FER: variants seen among roughly 807,000 people sequenced by gnomAD.
FER encodes the protein FER tyrosine kinase, also known as tyrosine-protein kinase Fer.
In FER, 63 loss-of-function variants were observed where a neutral mutation model predicts 111.0. The ratio of observed to expected loss-of-function variants is 0.57; its 90% CI spans 0.46 to 0.70. The LOEUF (loss-of-function observed/expected upper bound fraction) is 0.70, where lower values mean the gene tolerates loss of function less well. Ranked by LOEUF, FER falls within the 30% of genes least tolerant of loss-of-function variation. The pLI is 0.00. For missense variants in FER, 914 were observed against 954.0 expected (o/e 0.96, Z 0.55); for synonymous variants, 327 against 313.9 (o/e 1.04, Z -0.44).
chr5:109,155,012 A>G (rs1286200138), intron 17 of FER, among the ~76,000 whole-genome samples: 1 of 151,882 alleles, frequency 6.6e-6, no homozygotes, highest in Non-Finnish European at 1.5e-5. Context: ...TTATAACTCT[A>G]TCATCTCGAT....
chr5:109,048,965 G>A (rs955987469), intron 16 of FER, among the ~76,000 whole-genome samples: 3 of 151,672 alleles, frequency 2.0e-5, no homozygotes, highest in Non-Finnish European at 4.4e-5. Flanking sequence ...TTATTCAACC[G>A]CAACTTTATT....
rs1759499529 is a variant in FER at position 109,193,169 on chromosome 5, C to G, written c.*5594C>G. 6.6e-6 allele frequency: 1 copy of G among 152,068 alleles called. No individual in the cohort carries two copies. Among genetic ancestry groups the G allele is most frequent in the Non-Finnish European group, 1.5e-5 (1 of 68,006 alleles). 9.4% of individuals were successfully genotyped at this position (152,068 alleles called of 1,614,324 possible). On this transcript the variant is annotated 3_prime_UTR_variant, in exon 20 of 20. Transcript: ENST00000281092. ...CATTGGTTTAATTTTTACCTACGCTCCCTATAATCTCAGGAGGTAACCATT... is the reference window on the plus strand; with the variant it reads ...CATTGGTTTAATTTTTACCTACGCTGCCTATAATCTCAGGAGGTAACCATT...
intron 2 of FER, among the ~76,000 whole-genome samples, chr5:108,783,206 G>A (rs1189026719): frequency 2.0e-5 from 3 of 152,060 alleles, no homozygotes; most frequent in Non-Finnish European, 2.9e-5. Flanking sequence ...CTGTCCATAA[G>A]CTCATTGACT....
chr5:109,061,881 C>A (rs1287139956), intron 16 of FER, among the ~76,000 whole-genome samples: 3 of 151,978 alleles, frequency 2.0e-5, no homozygotes, highest in African/African-American at 7.3e-5. Context: ...ATAACTGAGC[C>A]CTTTTGGAAT....
chr5:108,865,465 TA>T (rs1419947800), intron 5 of FER, among the ~76,000 whole-genome samples: 1 of 152,076 alleles, frequency 6.6e-6, no homozygotes, highest in Non-Finnish European at 1.5e-5. Flanking sequence ...ATGTTAGACC[TA>T]AAACCATAAA....
chr5:109,124,730 T>G (rs770638285), intron 17 of FER, among the ~76,000 whole-genome samples: 1 of 152,040 alleles, frequency 6.6e-6, no homozygotes, highest in African/African-American at 2.4e-5. Context: ...AATACAAGAT[T>G]AGAAACATAA....
chr5:109,037,309 T>C (rs1463551518), intron 13 of FER, 113 bp from the exon 14 acceptor site: 3 of 782,240 alleles, frequency 3.8e-6, no homozygotes, highest in African/African-American at 3.5e-5. Context: ...GTGCTGTTGA[T>C]TGAATGGTCT....
intron 12 of FER, among the ~76,000 whole-genome samples, chr5:108,957,216 A>C (rs1042980493): frequency 6.6e-6 from 1 of 151,618 alleles, no homozygotes; most frequent in African/African-American, 2.4e-5. Context: ...ATAAGGCAGC[A>C]TAGAAATGAA....
intron 17 of FER, among the ~76,000 whole-genome samples, chr5:109,105,228 ATT>A (rs1330894780): frequency 6.3e-5 from 8 of 126,840 alleles, no homozygotes; most frequent in Non-Finnish European, 9.8e-5. Flanking sequence ...TCCAGCTTAT[ATT>A]TGTGTGTGTG....
At chr5:108,754,302 G>T (rs940210617) in intron 1 of FER, among the ~76,000 whole-genome samples, 9 of 151,380 alleles carry the variant, frequency 5.9e-5, no homozygotes, top group African/African-American at 2.2e-4. Flanking sequence ...TACTACTAAG[G>T]TGGCTAAGGC....
intron 8 of FER, among the ~76,000 whole-genome samples, chr5:108,876,064 A>G (rs1414485432): frequency 1.3e-5 from 2 of 152,204 alleles, no homozygotes; most frequent in Non-Finnish European, 2.9e-5. Context: ...CAATTGAAGA[A>G]TGGTAATTCT....
chr5:108,845,043 T>TATAC (rs1761853864), intron 5 of FER, among the ~76,000 whole-genome samples: 5 of 29,326 alleles, frequency 1.7e-4, no homozygotes, highest in East Asian at 2.3e-3. Flanking sequence ...TATATATACA[T>TATAC]ATATATATAT....
chr5:109,051,309 T>TATCTAGATCTCCAGGTC (rs1321055065), intron 16 of FER: 12 of 1,542,176 alleles, frequency 7.8e-6, no homozygotes, highest in Non-Finnish European at 6.3e-6. Flanking sequence ...TTCAAGCCTG[T>TATCTAGATCTCCAGGTC]ATCTAGATCT....
At chr5:109,058,184 C>CA (rs149326894) in intron 16 of FER, among the ~76,000 whole-genome samples, 25,068 of 151,962 alleles carry the variant, frequency 0.16, 2,138 homozygotes, top group South Asian at 0.21. Context: ...TCTCTGTAAA[C>CA]AGGAATAGAA....
intron 13 of FER, among the ~76,000 whole-genome samples, chr5:108,996,325 A>C (rs1763972896): frequency 6.6e-6 from 1 of 152,158 alleles, no homozygotes; most frequent in Non-Finnish European, 1.5e-5. Flanking sequence ...TTTAGTCCTG[A>C]AGTCTTTGCC....
intron 3 of FER, among the ~76,000 whole-genome samples, chr5:108,831,414 T>C (rs1260848036): frequency 9.2e-5 from 14 of 152,184 alleles, no homozygotes; most frequent in Admixed American, 9.2e-4. Context: ...TATAGTTTTA[T>C]ACTGTTTGCA....
intron 5 of FER, among the ~76,000 whole-genome samples, chr5:108,866,001 G>T (rs143336679): frequency 0.03 from 4,600 of 152,262 alleles, 108 homozygotes; most frequent in Non-Finnish European, 0.049. Context: ...CTGTAAACAA[G>T]TTCAACCATT....
intron 17 of FER, among the ~76,000 whole-genome samples, chr5:109,162,253 G>A (rs1001439294): frequency 6.6e-6 from 1 of 151,966 alleles, no homozygotes; most frequent in Non-Finnish European, 1.5e-5. Context: ...AACTCAGTCT[G>A]TTTCGTAAGA....
chr5:109,050,797 A>G (rs764806078), intron 16 of FER, among the ~76,000 whole-genome samples: 1 of 152,218 alleles, frequency 6.6e-6, no homozygotes, highest in Non-Finnish European at 1.5e-5. Context: ...AGGCCTAGAA[A>G]GCTAACCTTC....
Sources: gnomAD v4.1 joint callset for allele counts (sites outside exome capture counted in the v4.1 genomes callset) on GRCh38, gnomAD v4.1.1 for gene constraint, MANE v1.5 for transcripts, NCBI Gene and HGNC (gene_info 2026-07-23, HGNC 2026-07-21) for gene names.